The following BNC2 variants were observed in gnomAD, a reference collection of about 807,000 sequenced individuals.
BNC2 encodes zinc finger protein basonuclin-2.
BNC2 carries 20 observed loss-of-function variants against 76.3 expected under a neutral mutation model. That is an observed-to-expected ratio of 0.26 (90% CI 0.18 to 0.38). The LOEUF (loss-of-function observed/expected upper bound fraction) is 0.38. Among genes scored for constraint, BNC2 ranks in the 10% least tolerant of loss-of-function variants. The pLI, the probability that BNC2 is intolerant of heterozygous loss-of-function variation, is 1.00. For synonymous variants in BNC2, 582 were observed against 514.8 expected (o/e 1.13, Z -1.77); for missense variants, 1,382 against 1,399.8 (o/e 0.99, Z 0.20).
chr9:16,478,607 C>G (rs1015095768), intron 5 of BNC2, among the ~76,000 whole-genome samples: 1 of 152,120 alleles, frequency 6.6e-6, no homozygotes, highest in African/African-American at 2.4e-5. Flanking sequence ...GTTAGTGTAA[C>G]AGAATATTCA....
intron 4 of BNC2, among the ~76,000 whole-genome samples, chr9:16,580,347 G>GA (rs769270723): frequency 6.6e-6 from 1 of 151,918 alleles, no homozygotes; most frequent in Non-Finnish European, 1.5e-5. Context: ...CCTGTTGTGG[G>GA]AAAAAAGAGG....
chr9:16,870,626 G>A lies in BNC2; in HGVS notation c.3+20C>T. On this transcript the variant is annotated intron_variant, in intron 1 of 6. Transcript: ENST00000380672. ...GAGGAAGTCTAGAATAAAAGAGGAA[G>A]GAGGGTGGAAACTTCTTACCATCTC... The A allele has an allele frequency of 1.9e-6, 3 of 1,610,680 alleles. No homozygotes were observed. The highest frequency in any genetic ancestry group is 2.2e-5 in the East Asian group (1 of 44,578).
At chr9:16,702,052 C>T (rs146554918) in intron 3 of BNC2, among the ~76,000 whole-genome samples, 1 of 151,376 alleles carries the variant, frequency 6.6e-6, no homozygotes, top group South Asian at 2.1e-4. Context: ...AAAAGAAGCA[C>T]ATTATTTTGC....
chr9:16,546,804 C>T (rs974753187), intron 5 of BNC2, among the ~76,000 whole-genome samples: 1 of 152,190 alleles, frequency 6.6e-6, no homozygotes, highest in Admixed American at 6.5e-5. Context: ...CAGACTCTCA[C>T]ATATTACATT....
chr9:16,518,229 A>G (rs887823083), intron 5 of BNC2, among the ~76,000 whole-genome samples: 1 of 152,246 alleles, frequency 6.6e-6, no homozygotes, highest in Non-Finnish European at 1.5e-5. Context: ...GGAGTTCAAG[A>G]CCAGCCTGGG....
At chr9:16,809,035 G>C (rs901728590) in intron 1 of BNC2, among the ~76,000 whole-genome samples, 6 of 152,164 alleles carry the variant, frequency 3.9e-5, no homozygotes, top group South Asian at 4.1e-4. Context: ...CACAGACTTG[G>C]AACCAGGCAC....
intron 1 of BNC2, among the ~76,000 whole-genome samples, chr9:16,767,972 T>TG (rs1489247844): frequency 5.3e-5 from 8 of 151,736 alleles, no homozygotes; most frequent in Non-Finnish European, 1.2e-4. Flanking sequence ...GCAATTTTTT[T>TG]TTTTTTTTTT....
At chr9:16,774,372 T>G (rs1371637176) in intron 1 of BNC2, among the ~76,000 whole-genome samples, 1 of 152,226 alleles carries the variant, frequency 6.6e-6, no homozygotes, top group Non-Finnish European at 1.5e-5. Flanking sequence ...CTGGATCTGA[T>G]GAACCAAATG....
In BNC2 at chr9:16,782,659, A is replaced by C. The variant is rs532872297; in HGVS notation, c.4-44174T>G. Among the ~76,000 whole-genome samples, 25 of 152,210 alleles carry C rather than the reference A, an allele frequency of 1.6e-4. 1 individual carries two copies. Among genetic ancestry groups the C allele is most frequent in the Admixed American group, 7.2e-4 (11 of 15,272 alleles). On this transcript the variant is annotated intron_variant, in intron 1 of 6. Coordinates refer to ENST00000380672, the MANE Select transcript of BNC2 (RefSeq NM_017637.6). The stretch of plus-strand genomic sequence containing the variant: ...CAGGAAGACTTTGGGCACCACTCAC[A>C]TATGTGCCGATGGAACTCTGGGCTT...
At position 16,417,025 on chromosome 9, in the gene BNC2, A is replaced by G. The variant is rs1226797909; in HGVS notation, c.*1964T>C. On this transcript the variant is annotated 3_prime_UTR_variant, in exon 7 of 7. Coordinates refer to ENST00000380672, the MANE Select transcript of BNC2 (RefSeq NM_017637.6). ...AGGGATATTTCTAACTTTTAGACTG[A>G]TGAAAGAAATGTCTGAGGCCATTAA... is the stretch of plus-strand genomic sequence containing the variant. The G allele has an allele frequency of 1.3e-5, 2 of 152,640 alleles. No homozygotes were observed. Among genetic ancestry groups the G allele is most frequent in the Non-Finnish European group, 2.9e-5 (2 of 68,046 alleles). The allele number at this position is 152,640 out of a possible 1,614,324, so 9.5% of individuals were successfully genotyped here.
chr9:16,836,418 A>T (rs1299990386), intron 1 of BNC2, among the ~76,000 whole-genome samples: 1 of 152,148 alleles, frequency 6.6e-6, no homozygotes, highest in African/African-American at 2.4e-5. Flanking sequence ...GGTATATGAA[A>T]ATTAAATAGA....
chr9:16,584,165 G>C (rs1289502962), intron 3 of BNC2, among the ~76,000 whole-genome samples: 1 of 152,116 alleles, frequency 6.6e-6, no homozygotes, highest in Non-Finnish European at 1.5e-5. Flanking sequence ...TGCAGATTTA[G>C]ATGCAATCAA....
At position 16,791,155 on chromosome 9, in the gene BNC2, G is replaced by A. The variant is rs755233313; in HGVS notation, c.4-52670C>T. ...CGGCTCACTGTAAGCTCCGCCTCCC[G>A]GGTTCACACCATTCTCCTGCCTCAG... On this transcript the variant is annotated intron_variant, in intron 1 of 6. Coordinates refer to ENST00000380672, the MANE Select transcript of BNC2 (RefSeq NM_017637.6). Among the ~76,000 whole-genome samples, 20 of 151,848 alleles carry A rather than the reference G, an allele frequency of 1.3e-4. 1 individual carries two copies. Among genetic ancestry groups the A allele is most frequent in the Non-Finnish European group, 2.5e-4 (17 of 67,980 alleles).
intron 5 of BNC2, among the ~76,000 whole-genome samples, chr9:16,484,660 G>A (rs1032286916): frequency 5.3e-5 from 8 of 152,188 alleles, no homozygotes; most frequent in African/African-American, 1.9e-4. Context: ...CCAATGGCAT[G>A]CAACAGCATC....
At chr9:16,420,030 T>C (rs942759974) in intron 6 of BNC2, among the ~76,000 whole-genome samples, 16 of 152,192 alleles carry the variant, frequency 1.1e-4, no homozygotes, top group African/African-American at 3.6e-4. Context: ...GATAAAAGAA[T>C]AGAAACTTTC....
chr9:16,587,214 T>TC lies in BNC2; in HGVS notation c.331-4130_331-4129insG, dbSNP rs938883367. Among the ~76,000 whole-genome samples the TC allele has an allele frequency of 4.0e-5, 6 of 151,180 alleles. 1 individual carries two copies. Among genetic ancestry groups the TC allele is most frequent in the African/African-American group, 1.5e-4 (6 of 41,168 alleles). On this transcript the variant is annotated intron_variant, in intron 3 of 6. Transcript: ENST00000380672. ...GACTAGGAATCTTTTTTTTTTTTTTTTCCTTCTGTTTTTCAAAGAGACAGA... is the reference window on the plus strand; with the variant it reads ...GACTAGGAATCTTTTTTTTTTTTTTTCTCCTTCTGTTTTTCAAAGAGACAGA...
chr9:16,843,376 C>G (rs1314175523), intron 1 of BNC2, among the ~76,000 whole-genome samples: 1 of 152,242 alleles, frequency 6.6e-6, no homozygotes, highest in African/African-American at 2.4e-5. Context: ...GTCGCCTAGG[C>G]TGGAGTGCAG....
At chr9:16,560,187 A>C (rs1818966377) in intron 4 of BNC2, among the ~76,000 whole-genome samples, 1 of 152,224 alleles carries the variant, frequency 6.6e-6, no homozygotes, top group Non-Finnish European at 1.5e-5. Flanking sequence ...TCTCCAGAAG[A>C]TGCTGATGCT....
At chr9:16,713,409 A>G (rs1823905158) in intron 3 of BNC2, among the ~76,000 whole-genome samples, 1 of 151,440 alleles carries the variant, frequency 6.6e-6, no homozygotes. Flanking sequence ...AAATTTTTCA[A>G]GGATAACCTG....
Sources: allele counts gnomAD v4.1 joint callset (sites outside exome capture counted in the v4.1 genomes callset), GRCh38; gene constraint gnomAD v4.1.1; transcripts MANE v1.5; gene names NCBI Gene and HGNC (gene_info 2026-07-23, HGNC 2026-07-21).